PACSIN2: variants seen among roughly 807,000 people sequenced by gnomAD.
PACSIN2 encodes protein kinase C and casein kinase substrate in neurons protein 2.
In PACSIN2, 25 loss-of-function variants were observed where a neutral mutation model predicts 63.8. The ratio of observed to expected loss-of-function variants is 0.39; its 90% confidence interval spans 0.29 to 0.55. PACSIN2 has a LOEUF of 0.55. Among genes scored for constraint, PACSIN2 ranks in the 20% least tolerant of loss-of-function variants. The pLI is 0.62. For synonymous variants in PACSIN2, 255 were observed against 256.2 expected (o/e 1.00, Z 0.05); for missense variants, 518 against 646.9 (o/e 0.80, Z 2.16).
intron 1 of PACSIN2, among the ~76,000 whole-genome samples, chr22:42,977,522 A>G (rs1358768397): frequency 6.6e-6 from 1 of 152,260 alleles, no homozygotes; most frequent in South Asian, 2.1e-4. Flanking sequence ...AATTAAGACT[A>G]TAATACCATT....
chr22:42,988,925 A>G (rs5751408), intron 1 of PACSIN2, among the ~76,000 whole-genome samples: 30,110 of 151,934 alleles, frequency 0.2, 4,499 homozygotes, highest in East Asian at 0.69. Flanking sequence ...TGTCATCCAG[A>G]CTGGAGTGCA....
intron 1 of PACSIN2, among the ~76,000 whole-genome samples, chr22:43,007,144 CAGG>C (rs1569373950): frequency 6.6e-6 from 1 of 152,040 alleles, no homozygotes; most frequent in Non-Finnish European, 1.5e-5. Flanking sequence ...AACTGTCCTC[CAGG>C]AGAATATAAG....
At chr22:43,002,591 T>C (rs1923837394) in intron 1 of PACSIN2, among the ~76,000 whole-genome samples, 1 of 151,996 alleles carries the variant, frequency 6.6e-6, no homozygotes, top group Non-Finnish European at 1.5e-5. Context: ...ATCCCCATTT[T>C]TTCACCCAAA....
chr22:42,935,065 G>C (rs371914746), intron 1 of PACSIN2, among the ~76,000 whole-genome samples: 1 of 151,078 alleles, frequency 6.6e-6, no homozygotes. Context: ...ACAGGTGCCC[G>C]CCACCGCGCC....
rs113739519 is a variant in PACSIN2, at chr22:42,986,173, A to G, written c.-78+28848T>C. Among the ~76,000 whole-genome samples, 751 of 152,348 alleles carry G rather than the reference A, an allele frequency of 4.9e-3. 5 individuals are homozygous for G. The highest frequency in any genetic ancestry group is 0.01 in the Middle Eastern group (3 of 294). ...AACAAGAAAAGGAAGACCAGGAACT[A>G]TGCTAGGAGATTTAAAAGAGGTAAA... is the stretch of plus-strand genomic sequence containing the variant. On this transcript the variant is annotated intron_variant, in intron 1 of 10. Transcript: ENST00000263246.
chr22:42,882,388 C>G, intron 6 of PACSIN2, 84 bp from the exon 7 acceptor site: 5 of 1,467,446 alleles, frequency 3.4e-6, no homozygotes, highest in Non-Finnish European at 4.6e-6. Flanking sequence ...ACAGCAGGTC[C>G]CGTGGTCTCT....
intron 1 of PACSIN2, among the ~76,000 whole-genome samples, chr22:43,012,457 A>AT (rs1924565828): frequency 1.3e-5 from 2 of 151,842 alleles, no homozygotes; most frequent in South Asian, 2.1e-4. Flanking sequence ...GAAATCCAGA[A>AT]TTTTTTTTAA....
chr22:42,983,124 C>G (rs1922339496), intron 1 of PACSIN2, among the ~76,000 whole-genome samples: 1 of 151,642 alleles, frequency 6.6e-6, no homozygotes, highest in Non-Finnish European at 1.5e-5. Flanking sequence ...CGAGACCAGC[C>G]TGGCCAACAT....
intron 1 of PACSIN2, among the ~76,000 whole-genome samples, chr22:42,969,513 A>C (rs1223206650): frequency 6.6e-6 from 1 of 152,226 alleles, no homozygotes; most frequent in African/African-American, 2.4e-5. Flanking sequence ...ATTTAAGATG[A>C]GTAATCCTCC....
rs116444532 is a variant in PACSIN2 at position 42,949,179 on chromosome 22, T to C, written c.-77-37022A>G. On this transcript the variant is annotated intron_variant, in intron 1 of 10. Transcript: ENST00000263246. ...TAGGTGCACATTTTAACTTCTAAGC[T>C]ACCTTCTTACCAGCAAAATGGGAAT... Among the ~76,000 whole-genome samples the C allele has an allele frequency of 1.6e-3, 241 of 152,324 alleles. 1 individual carries two copies. Among genetic ancestry groups the C allele is most frequent in the African/African-American group, 5.6e-3 (231 of 41,582 alleles).
At chr22:42,901,789 T>A (rs1930706658) in intron 2 of PACSIN2, among the ~76,000 whole-genome samples, 2 of 152,320 alleles carry the variant, frequency 1.3e-5, no homozygotes, top group South Asian at 2.1e-4. Context: ...GAAGACGATG[T>A]TGGTGCTTCC....
chr22:43,005,695 C>A (rs117682154), intron 1 of PACSIN2, among the ~76,000 whole-genome samples: 1 of 152,144 alleles, frequency 6.6e-6, no homozygotes, highest in African/African-American at 2.4e-5. Flanking sequence ...AATTCACTTA[C>A]GTAGACTGAT....
chr22:42,976,798 AT>A (rs1435949485), intron 1 of PACSIN2, among the ~76,000 whole-genome samples: 1 of 152,156 alleles, frequency 6.6e-6, no homozygotes, highest in Non-Finnish European at 1.5e-5. Context: ...CAGTATTGTA[AT>A]TGTCCTGCCA....
rs191595386 is a variant in PACSIN2, at chr22:42,988,234, G to A, written c.-78+26787C>T. Among the ~76,000 whole-genome samples the A allele has an allele frequency of 4.1e-3, 591 of 144,898 alleles. 2 individuals carry two copies. The highest frequency in any genetic ancestry group is 0.017 in the African/African-American group (572 of 34,454). On this transcript the variant is annotated intron_variant, in intron 1 of 10. Transcript: ENST00000263246. ...GTTTGTCCCAGGCACCAAAGACAAG[G>A]AGAAGATAGTCTCTGAACACTTTTC...
chr22:42,891,263 G>GTGGC (rs1929894781), intron 3 of PACSIN2, 81 bp from the exon 4 acceptor site: 1 of 867,798 alleles, frequency 1.2e-6, no homozygotes, highest in African/African-American at 1.7e-5. Flanking sequence ...GCTGTTCAAT[G>GTGGC]TGGCCATTTA....
chr22:42,885,964 A>G (rs1235362513), intron 5 of PACSIN2, among the ~76,000 whole-genome samples: 1 of 152,214 alleles, frequency 6.6e-6, no homozygotes, highest in Non-Finnish European at 1.5e-5. Flanking sequence ...ATGGGAGCCT[A>G]GCTCAGAAGC....
At chr22:43,012,874 G>A (rs1301703111) in intron 1 of PACSIN2, among the ~76,000 whole-genome samples, 2 of 152,030 alleles carry the variant, frequency 1.3e-5, no homozygotes, top group Admixed American at 1.3e-4. Flanking sequence ...AGCTGGTCTC[G>A]AACTCCCGAC....
intron 1 of PACSIN2, among the ~76,000 whole-genome samples, chr22:42,928,882 C>T (rs751901413): frequency 3.9e-5 from 6 of 152,224 alleles, no homozygotes; most frequent in Non-Finnish European, 7.3e-5. Context: ...TGCCATTAAA[C>T]AGCAATGGGA....
chr22:43,010,408 A>ATATATAT (rs1555950833), intron 1 of PACSIN2, among the ~76,000 whole-genome samples: 1 of 120,544 alleles, frequency 8.3e-6, no homozygotes, highest in African/African-American at 3.7e-5. Context: ...ATTTTTTTTT[A>ATATATAT]ATTGAAAATA....
Sources: gnomAD v4.1 joint callset for allele counts (sites outside exome capture counted in the v4.1 genomes callset) on GRCh38, gnomAD v4.1.1 for gene constraint, MANE v1.5 for transcripts, NCBI Gene and HGNC (gene_info 2026-07-23, HGNC 2026-07-21) for gene names.